ACTN3: variants seen among roughly 807,000 people sequenced by gnomAD.
ACTN3 encodes alpha-actinin-3.
ACTN3 carries 91 observed loss-of-function variants against 119.6 expected under a neutral mutation model. That is an observed-to-expected ratio of 0.76 (90% CI 0.64 to 0.91). The LOEUF is 0.91. Among genes scored for constraint, ACTN3 ranks in the 40% least tolerant of loss-of-function variants. ACTN3 has a pLI of 0.00. For synonymous variants in ACTN3, 456 were observed against 478.8 expected (o/e 0.95, Z 0.62); for missense variants, 1,221 against 1,215.1 (o/e 1.00, Z -0.07).
In ACTN3 at chr11:66,557,731, G is replaced by C; in HGVS notation, c.930G>C (p.Trp310Cys). 12 of 1,613,252 alleles carry C rather than the reference G, an allele frequency of 7.4e-6. No homozygotes were observed. Among genetic ancestry groups the C allele is most frequent in the Non-Finnish European group, 9.3e-6 (11 of 1,179,714 alleles). ...AGTGGATCCGCCGCACTGTCCCATG[G>C]CTGGAGAACCGTGTGGGTGAGCCCA... ...LLEWIRRTVP[W>C]LENRVGEPSM... Residue 310 changes from tryptophan to cysteine, a missense_variant, in exon 10 of 21, where the codon TGG (tryptophan) becomes TGC (cysteine). Physicochemically the swap from Trp to Cys is radical, Grantham distance 215 (BLOSUM62 -2). This residue lies in a region of ACTN3 where 934 missense variants were observed against 899.9 expected (regional missense o/e 1.04). Transcript: ENST00000513398.
upstream of ACTN3, chr11:66,546,422 G>T: frequency 2.1e-6 from 2 of 947,250 alleles, no homozygotes; most frequent in Non-Finnish European, 3.1e-6. Flanking sequence ...CCATCCAGCT[G>T]GCTCAGAGCC....
chr11:66,560,114 TG>T, intron 13 of ACTN3, 38 bp downstream of exon 13: 4 of 586,224 alleles, frequency 6.8e-6, no homozygotes, highest in African/African-American at 3.3e-5. Context: ...GGTGGGTAGG[TG>T]GGTGAGGCCA....
Position 66,562,889 on chromosome 11 carries a change from G to A in ACTN3, c.2482G>A (p.Glu828Lys), listed in dbSNP as rs781097155. Residue 828 changes from glutamate (E) to lysine (K), a missense_variant, in exon 20 of 21, where the codon GAG (glutamate) becomes AAG (lysine). By Grantham distance (56) the Glu-to-Lys change is moderately conservative. Around this residue, in one of 3 missense-constraint regions of ACTN3, gnomAD observed 934 missense variants for 899.9 expected, o/e 1.04. Transcript: ENST00000513398. ...GGCCTTCATAGACTTCATGACCCGA[G>A]AGACAGCCGAGACTGACACGACTGA... ...FQAFIDFMTR[E>K]TAETDTTEQV... 2 of 1,613,854 alleles carry A rather than the reference G, an allele frequency of 1.2e-6. No homozygotes were observed. The highest frequency in any genetic ancestry group is 1.7e-6 in the Non-Finnish European group (2 of 1,179,834).
In ACTN3 at chr11:66,547,254, G is replaced by A. The variant is rs767665988; in HGVS notation, c.147+170G>A. ...TGCTGTCCCCAGGGCTGGAGGAGAG[G>A]GCTGGGAGCCCTCAAGAGGGGTTTA... is the stretch of plus-strand genomic sequence containing the variant. On this transcript the variant is annotated intron_variant, in intron 1 of 20. Transcript: ENST00000513398. 604 of 513,368 alleles carry A rather than the reference G, an allele frequency of 1.2e-3. 2 individuals carry two copies. The highest frequency in any genetic ancestry group is 2.4e-3 in the Admixed American group (38 of 15,700). 31.8% of individuals were successfully genotyped at this position (513,368 alleles called of 1,614,324 possible).
chr11:66,558,740 TAATTC>T (rs2134934625), intron 11 of ACTN3: 1 of 161,584 alleles, frequency 6.2e-6, no homozygotes, highest in South Asian at 1.8e-4. Context: ...CTGCTCTGAT[TAATTC>T]AATTTAGCAT....
intron 7 of ACTN3, 78 bp downstream of exon 7, chr11:66,555,445 C>A: frequency 6.9e-7 from 1 of 1,456,994 alleles, no homozygotes; most frequent in South Asian, 1.2e-5. Flanking sequence ...CTTTGCACGG[C>A]CCTTTCCTCC....
chr11:66,547,571 C>T (rs1231893205), intron 1 of ACTN3, among the ~76,000 whole-genome samples: 1 of 152,124 alleles, frequency 6.6e-6, no homozygotes, highest in Non-Finnish European at 1.5e-5. Flanking sequence ...TCTCATTTAA[C>T]AATTGAAGAA....
chr11:66,556,323 T>G (rs886463703), intron 8 of ACTN3, 93 bp downstream of exon 8: 1 of 1,251,762 alleles, frequency 8.0e-7, no homozygotes, highest in Non-Finnish European at 1.1e-6. Context: ...ACCACGGAGG[T>G]TGGAGTGCCA....
chr11:66,558,893 T>G, intron 11 of ACTN3: 1 of 254,302 alleles, frequency 3.9e-6, no homozygotes, highest in African/African-American at 2.2e-5. Context: ...ATCCATTCAT[T>G]GTTCTGTCGA....
chr11:66,555,141 G>GC lies in ACTN3; in HGVS notation c.571dup (p.Leu191ProfsTer13). The stretch of plus-strand genomic sequence containing the variant: ...TTCTCTCTGTCCAGCTGGAAGGATG[G>GC]CCTGGCCCTCTGTGCCCTCATCCAC... On this transcript the variant is annotated frameshift_variant, in exon 6 of 21. Transcript: ENST00000513398. LOFTEE classifies it high-confidence loss of function. 6.2e-7 allele frequency: 1 copy of GC among 1,613,960 alleles called. No individual in the cohort carries two copies. Among genetic ancestry groups the GC allele is most frequent in the Non-Finnish European group, 8.5e-7 (1 of 1,179,954 alleles).
In ACTN3 at chr11:66,560,077, G is replaced by T. The variant is rs550339074; in HGVS notation, c.1536+1G>T. 3.4e-5 allele frequency: 54 copies of T among 1,576,600 alleles called. No homozygotes were observed. The African/African-American group carries it at 5.3e-4, about 15-fold the overall frequency. On this transcript the variant is annotated splice_donor_variant, in intron 13 of 20. Coordinates refer to ENST00000513398, the MANE Select transcript of ACTN3 (RefSeq NM_001104.4). LOFTEE classifies it high-confidence loss of function. ...CCAGAAGAGGCGGGATGCGCTAGAG[G>T]TGGGGCTGGGGGCCGGGGAGCTGGG... is the stretch of plus-strand genomic sequence containing the variant.
intron 7 of ACTN3, 67 bp downstream of exon 7, chr11:66,555,434 C>A: frequency 6.6e-7 from 1 of 1,520,782 alleles, no homozygotes; most frequent in South Asian, 1.1e-5. Flanking sequence ...AACCTCCACA[C>A]CTTTGCACGG....
At chr11:66,560,515 T>C (rs1857728936) in intron 14 of ACTN3, 58 bp from the exon 15 acceptor site, 1 of 1,558,516 alleles carries the variant, frequency 6.4e-7, no homozygotes, top group Non-Finnish European at 8.7e-7. Context: ...TGCTGCCCTT[T>C]CTGTTGCCTG....
Position 66,557,830 on chromosome 11 carries a change from G to A in ACTN3, c.1029G>A (p.Gln343=), listed in dbSNP as rs751047065. ...YRRLHKPPRI[Q]EKCQLEINFN... The stretch of plus-strand genomic sequence containing the variant: ...GTCTGCACAAGCCGCCCCGCATTCA[G>A]GAAAAGTGCCAGCTGGAGATCAACT... The change falls in exon 10 of 21, where the codon CAG becomes CAA. Residue 343 remains glutamine (Q), a synonymous_variant. Coordinates refer to ENST00000513398, the MANE Select transcript of ACTN3 (RefSeq NM_001104.4). The A allele has an allele frequency of 6.2e-7, 1 of 1,614,186 alleles. No homozygotes were observed. Among genetic ancestry groups the A allele is most frequent in the Admixed American group, 1.7e-5 (1 of 60,018 alleles).
At chr11:66,557,363 T>G in intron 9 of ACTN3, 138 bp downstream of exon 9, 1 of 765,998 alleles carries the variant, frequency 1.3e-6, no homozygotes, top group Non-Finnish European at 2.1e-6. Flanking sequence ...CTCCTGTCCA[T>G]CCCCACCCAT....
chr11:66,559,397 C>G lies in ACTN3; in HGVS notation c.1427+11C>G. The G allele has an allele frequency of 6.7e-7, 1 of 1,486,964 alleles. No individual in the cohort carries two copies. Among genetic ancestry groups the G allele is most frequent in the Non-Finnish European group, 8.9e-7 (1 of 1,125,962 alleles). The allele number at this position is 1,486,964 out of a possible 1,614,324, so 92.1% of individuals were successfully genotyped here. A position where few individuals can be genotyped will look rare whatever the true frequency, so the allele number is the denominator to read the frequency against. ...GGCCCAGGAGCTCAAGTAGGCGGGGCCTCGCGGGGCCCGCCCCCAACACCC... is the reference window on the plus strand; with the variant it reads ...GGCCCAGGAGCTCAAGTAGGCGGGGGCTCGCGGGGCCCGCCCCCAACACCC... On this transcript the variant is annotated intron_variant, in intron 12 of 20. Coordinates refer to ENST00000513398, the MANE Select transcript of ACTN3 (RefSeq NM_001104.4).
At chr11:66,554,474 A>T in intron 4 of ACTN3, 62 bp from the exon 5 acceptor site, 2 of 1,166,310 alleles carry the variant, frequency 1.7e-6, no homozygotes, top group Non-Finnish European at 2.4e-6. Context: ...AAAAAAAAAG[A>T]AGTGTGAGAG....
chr11:66,556,772 G>T (rs1328986342), intron 8 of ACTN3, among the ~76,000 whole-genome samples: 1 of 151,082 alleles, frequency 6.6e-6, no homozygotes, highest in Non-Finnish European at 1.5e-5. Context: ...GTTTTGTTTT[G>T]TTTTTTGAGA....
chr11:66,551,134 C>T (rs1441691659), intron 1 of ACTN3, 105 bp from the exon 2 acceptor site: 1 of 833,732 alleles, frequency 1.2e-6, no homozygotes, highest in East Asian at 2.7e-5. Flanking sequence ...AGACTTGAAT[C>T]CAGAAATACA....
Sources: allele counts gnomAD v4.1 joint callset (sites outside exome capture counted in the v4.1 genomes callset), GRCh38; gene constraint gnomAD v4.1.1; regional missense constraint gnomAD v4.1.1; transcripts MANE v1.5; gene names NCBI Gene and HGNC (gene_info 2026-07-23, HGNC 2026-07-21).